The following RGS6 variants were observed in gnomAD, a reference collection of about 807,000 sequenced individuals.
RGS6 encodes the protein regulator of G-protein signaling 6.
Under a neutral mutation model 78.5 loss-of-function variants are expected in RGS6, and 30 were observed. That is an observed-to-expected ratio of 0.38 (90% confidence interval 0.29 to 0.52). The LOEUF (loss-of-function observed/expected upper bound fraction) is 0.52. Among genes scored for constraint, RGS6 ranks in the 20% least tolerant of loss-of-function variants. The pLI is 0.85. For missense variants in RGS6, 495 were observed against 609.7 expected (o/e 0.81, Z 1.98); for synonymous variants, 206 against 206.0 (o/e 1.00, Z 0.00).
At chr14:72,296,825 G>A (rs932550715) in intron 2 of RGS6, among the ~76,000 whole-genome samples, 13 of 152,068 alleles carry the variant, frequency 8.5e-5, no homozygotes, top group Non-Finnish European at 1.3e-4. Context: ...TGGTTATTGC[G>A]TTCTGTGTTT....
chr14:71,943,898 G>A (rs1354123025), intron 1 of RGS6, among the ~76,000 whole-genome samples: 2 of 152,120 alleles, frequency 1.3e-5, no homozygotes, highest in African/African-American at 2.4e-5. Flanking sequence ...GACTAGTGGG[G>A]GTGCATGGAT....
chr14:72,622,584 A>G, the RGS6 span, among the ~76,000 whole-genome samples: 2 of 152,134 alleles, frequency 1.3e-5, no homozygotes, highest in African/African-American at 4.8e-5. Flanking sequence ...CAATTTCCCA[A>G]AGGAAAACTA....
intron 2 of RGS6, among the ~76,000 whole-genome samples, chr14:72,038,689 A>G (rs2092042866): frequency 1.3e-5 from 2 of 152,178 alleles, no homozygotes; most frequent in Non-Finnish European, 2.9e-5. Context: ...TTTAAACAGC[A>G]TTTAAAAAAT....
chr14:72,099,079 G>T (rs2095473756), intron 2 of RGS6, among the ~76,000 whole-genome samples: 1 of 152,182 alleles, frequency 6.6e-6, no homozygotes, highest in African/African-American at 2.4e-5. Context: ...CTATATATTA[G>T]TTACTGTTCT....
chr14:71,873,217 A>G, the RGS6 span, among the ~76,000 whole-genome samples: 1 of 152,192 alleles, frequency 6.6e-6, no homozygotes, highest in Non-Finnish European at 1.5e-5. Flanking sequence ...GAATCGCCAC[A>G]CTGTCTTCCA....
At chr14:72,356,563 A>T (rs1442795714) in intron 3 of RGS6, among the ~76,000 whole-genome samples, 1 of 152,134 alleles carries the variant, frequency 6.6e-6, no homozygotes, top group East Asian at 1.9e-4. Flanking sequence ...AAGGTAGATG[A>T]TATGGTTTGG....
At chr14:72,274,616 A>G (rs1423321216) in intron 2 of RGS6, among the ~76,000 whole-genome samples, 2 of 152,214 alleles carry the variant, frequency 1.3e-5, no homozygotes, top group African/African-American at 4.8e-5. Context: ...GAATTACAAT[A>G]TGGAGATTGG....
chr14:71,879,153 A>G, the RGS6 span, among the ~76,000 whole-genome samples: 1 of 152,228 alleles, frequency 6.6e-6, no homozygotes, highest in Non-Finnish European at 1.5e-5. Flanking sequence ...AGACCTCACC[A>G]GGAAAAAAAC....
chr14:71,954,280 T>G (rs1186289148), intron 1 of RGS6, among the ~76,000 whole-genome samples: 1 of 152,002 alleles, frequency 6.6e-6, no homozygotes, highest in African/African-American at 2.4e-5. Context: ...CTTTCTTCTC[T>G]TCTTGGAATT....
intron 13 of RGS6, among the ~76,000 whole-genome samples, chr14:72,505,468 C>T (rs2153435167): frequency 6.6e-6 from 1 of 152,312 alleles, no homozygotes; most frequent in East Asian, 1.9e-4. Context: ...TATCCTGCCT[C>T]CTAATACGAT....
intron 5 of RGS6, among the ~76,000 whole-genome samples, chr14:72,459,338 C>A (rs1374902912): frequency 6.6e-6 from 1 of 152,124 alleles, no homozygotes; most frequent in East Asian, 1.9e-4. Flanking sequence ...GTAAGTTATG[C>A]CAGCCTGACT....
At chr14:71,977,178 G>A (rs1406187785) in intron 2 of RGS6, among the ~76,000 whole-genome samples, 1 of 104,292 alleles carries the variant, frequency 9.6e-6, no homozygotes, top group African/African-American at 3.5e-5. Flanking sequence ...TGTCAGATGA[G>A]TAGGTTGCGA....
rs138323156 is a variant in RGS6 at position 72,120,939 on chromosome 14, A to G, written c.84+156064A>G. ...ACACCTAAGGTGTGTATTTTATTGT[A>G]TGTTAATTGTATCTTAATGAATAAA... On this transcript the variant is annotated intron_variant, in intron 2 of 17. Transcript: ENST00000553525. Among the ~76,000 whole-genome samples the G allele has an allele frequency of 4.1e-3, 623 of 152,260 alleles. 3 individuals carry two copies. Among genetic ancestry groups the G allele is most frequent in the Admixed American group, 7.0e-3 (107 of 15,286 alleles).
intron 2 of RGS6, among the ~76,000 whole-genome samples, chr14:72,007,067 G>A (rs557494062): frequency 1.3e-5 from 2 of 152,012 alleles, no homozygotes; most frequent in African/African-American, 4.8e-5. Flanking sequence ...GTCACCTGCA[G>A]TAATGTAGAA....
intron 13 of RGS6, among the ~76,000 whole-genome samples, chr14:72,498,268 C>T (rs892526897): frequency 2.0e-5 from 3 of 152,044 alleles, no homozygotes; most frequent in Non-Finnish European, 4.4e-5. Context: ...ATTTTCATAT[C>T]TCCTCTCTAT....
intron 2 of RGS6, among the ~76,000 whole-genome samples, chr14:72,161,765 C>A (rs777773469): frequency 6.6e-6 from 1 of 152,210 alleles, no homozygotes; most frequent in Non-Finnish European, 1.5e-5. Flanking sequence ...TACAGCCAGG[C>A]TTGCTTGCAT....
At chr14:71,949,686 C>T (rs1420130171) in intron 1 of RGS6, among the ~76,000 whole-genome samples, 1 of 151,532 alleles carries the variant, frequency 6.6e-6, no homozygotes, top group Non-Finnish European at 1.5e-5. Context: ...TTATCAGTCT[C>T]TTTCTTTATG....
chr14:72,309,812 A>G (rs1052295332), intron 2 of RGS6, among the ~76,000 whole-genome samples: 1 of 152,194 alleles, frequency 6.6e-6, no homozygotes, highest in Non-Finnish European at 1.5e-5. Context: ...AGAACCCACA[A>G]TTGCAGGCCA....
intron 2 of RGS6, among the ~76,000 whole-genome samples, chr14:72,190,237 A>G (rs2097305374): frequency 1.3e-5 from 2 of 152,198 alleles, no homozygotes; most frequent in Admixed American, 6.5e-5. Context: ...TGGAGTGGGC[A>G]GTTCTGTTCA....
Sources: allele counts gnomAD v4.1 joint callset (sites outside exome capture counted in the v4.1 genomes callset), GRCh38; gene constraint gnomAD v4.1.1; transcripts MANE v1.5; gene names NCBI Gene and HGNC (gene_info 2026-07-23, HGNC 2026-07-21).